CCZ1B: variants seen among roughly 807,000 people sequenced by gnomAD.
The protein encoded by CCZ1B is vacuolar fusion protein CCZ1 homolog B.
CCZ1B carries 25 observed loss-of-function variants against 58.8 expected under a neutral mutation model. That is an observed-to-expected ratio of 0.43 (90% CI 0.31 to 0.59). The LOEUF (loss-of-function observed/expected upper bound fraction) is 0.59. Ranked by LOEUF, CCZ1B falls within the 20% of genes least tolerant of loss-of-function variation. The probability of loss-of-function intolerance (pLI) is 0.12; values close to 1 mark genes in which losing one functional copy is unlikely to be tolerated. For missense variants in CCZ1B, 180 were observed against 501.5 expected (o/e 0.36, Z 6.12); for synonymous variants, 66 against 173.2 (o/e 0.38, Z 4.86).
chr7:6,816,149 G>A (rs2115120850), intron 7 of CCZ1B, among the ~76,000 whole-genome samples: 1 of 147,930 alleles, frequency 6.8e-6, no homozygotes, highest in African/African-American at 2.6e-5. Flanking sequence ...AGACAATGAG[G>A]CTGGATCTGG....
chr7:6,821,183 G>T (rs1235729767), intron 6 of CCZ1B, among the ~76,000 whole-genome samples: 5 of 149,370 alleles, frequency 3.3e-5, no homozygotes, highest in Non-Finnish European at 7.4e-5. Flanking sequence ...TAGTTTTTTG[G>T]TATTTTTTAG....
chr7:6,808,227 G>C (rs192295650), intron 10 of CCZ1B, among the ~76,000 whole-genome samples: 1,771 of 126,534 alleles, frequency 0.014, 239 homozygotes, highest in African/African-American at 0.026. Context: ...TCTGGATCTC[G>C]AGGCTCAGGT....
At chr7:6,808,326 G>A (rs1782863610) in intron 10 of CCZ1B, among the ~76,000 whole-genome samples, 1 of 120,960 alleles carries the variant, frequency 8.3e-6, no homozygotes, top group Admixed American at 9.9e-5. Context: ...GACCCCAACG[G>A]GAGAGGACAG....
chr7:6,820,907 C>G (rs2952941), intron 6 of CCZ1B, among the ~76,000 whole-genome samples: 1 of 132,678 alleles, frequency 7.5e-6, no homozygotes, highest in African/African-American at 2.9e-5. Flanking sequence ...AAGAGTAAGA[C>G]TCTGTCTCAA....
In CCZ1B at chr7:6,818,603, G is replaced by A. The variant is rs1321707381; in HGVS notation, c.698+1163C>T. On this transcript the variant is annotated intron_variant, in intron 7 of 14. Transcript: ENST00000316731. ...AGAAAGAAAGACAGACAGAAAGAAAGAAAGAAAGAAAGACAAGAAAGAAAG... is the reference window on the plus strand; with the variant it reads ...AGAAAGAAAGACAGACAGAAAGAAAAAAAGAAAGAAAGACAAGAAAGAAAG... Among the ~76,000 whole-genome samples the A allele has an allele frequency of 3.0e-5, 4 of 133,532 alleles. 1 individual carries two copies. Among genetic ancestry groups the A allele is most frequent in the South Asian group, 2.7e-4 (1 of 3,750 alleles). 87.6% of individuals were successfully genotyped at this position (133,532 alleles called of 152,430 possible).
rs1003641824 is a variant in CCZ1B, at chr7:6,821,954, C to G, written c.522+327G>C. Among the ~76,000 whole-genome samples the G allele has an allele frequency of 8.1e-5, 12 of 148,808 alleles. No individual in the cohort carries two copies. In the South Asian group the frequency reaches 1.1e-3, roughly 13 times the overall value. On this transcript the variant is annotated intron_variant, in intron 6 of 14. Transcript: ENST00000316731. ...AATTAAGTTTTCCTTATCAACTAAT[C>G]TATCACACAAAAGATGGCTGCTGAG... is the stretch of plus-strand genomic sequence containing the variant.
Position 6,823,315 on chromosome 7 carries a change from T to C in CCZ1B, c.436A>G (p.Lys146Glu), listed in dbSNP as rs372494895. 3.1e-6 allele frequency: 5 copies of C among 1,606,850 alleles called. No homozygotes were observed. The highest frequency in any genetic ancestry group is 3.4e-6 in the Non-Finnish European group (4 of 1,177,162). The change falls in exon 5 of 15, where the codon AAG becomes GAG. Residue 146 changes from lysine (K) to glutamate (E), a missense_variant and splice_region_variant. Physicochemically the swap from Lys to Glu is moderately conservative, Grantham distance 56 (BLOSUM62 1). Transcript: ENST00000316731. Reference sequence around the variant, plus strand: ...TTGAGAAAGAACGCCACGCTTACCTTGTACATGCTGTAGCACTGCCGCAGC... The same window carrying C: ...TTGAGAAAGAACGCCACGCTTACCTCGTACATGCTGTAGCACTGCCGCAGC... ...SVLRQCYSMY[K>E]LFNGTFLKAM...
intron 7 of CCZ1B, among the ~76,000 whole-genome samples, chr7:6,817,427 C>T (rs1783023410): frequency 6.6e-6 from 1 of 150,398 alleles, no homozygotes; most frequent in Non-Finnish European, 1.5e-5. Flanking sequence ...CTCAGCTACC[C>T]TTCTCTTTTT....
At chr7:6,825,755 C>T (rs1434291155) in intron 1 of CCZ1B, among the ~76,000 whole-genome samples, 1 of 124,270 alleles carries the variant, frequency 8.0e-6, no homozygotes, top group African/African-American at 3.2e-5. Context: ...CGTCTGCCAC[C>T]CTGGTTCCAC....
At chr7:6,821,677 C>T (rs1196942470) in intron 6 of CCZ1B, among the ~76,000 whole-genome samples, 1 of 151,608 alleles carries the variant, frequency 6.6e-6, no homozygotes, top group Non-Finnish European at 1.5e-5. Flanking sequence ...CGCTTGAAAC[C>T]AGCCTGGGCA....
At chr7:6,825,240 G>GC (rs1554259742) in intron 1 of CCZ1B, among the ~76,000 whole-genome samples, 1 of 140,498 alleles carries the variant, frequency 7.1e-6, no homozygotes, top group East Asian at 2.0e-4. Flanking sequence ...CTGACAAGTT[G>GC]TTTTTTTTTT....
chr7:6,808,176 T>C lies in CCZ1B; in HGVS notation c.955-2139A>G, dbSNP rs1261754955. Among the ~76,000 whole-genome samples, 468 of 126,188 alleles carry C rather than the reference T, an allele frequency of 3.7e-3. 4 individuals carry two copies. The highest frequency in any genetic ancestry group is 0.012 in the African/African-American group (449 of 37,012). 82.8% of individuals were successfully genotyped at this position (126,188 alleles called of 152,430 possible). ...GGGCTGGAGACTAAGGCTGGCCATG[T>C]GGGGCCAGCTGTGTCTCTGTGGCCA... On this transcript the variant is annotated intron_variant, in intron 10 of 14. Transcript: ENST00000316731.
chr7:6,799,118 G>A lies in CCZ1B; in HGVS notation c.*106C>T. 2 of 681,044 alleles carry A rather than the reference G, an allele frequency of 2.9e-6. 1 individual carries two copies. 42.2% of individuals were successfully genotyped at this position (681,044 alleles called of 1,614,324 possible). A position where few individuals can be genotyped will look rare whatever the true frequency, so the allele number is the denominator to read the frequency against. On this transcript the variant is annotated 3_prime_UTR_variant, in exon 15 of 15. Transcript: ENST00000316731. The stretch of plus-strand genomic sequence containing the variant: ...AATCTGATTCTTCAAAGCAAGTATT[G>A]CTTTACCCTTGTCCTGAATGCAGTC...
Position 6,824,644 on chromosome 7 carries a change from T to C in CCZ1B, c.214A>G (p.Thr72Ala). 1 of 1,612,402 alleles carries C rather than the reference T, an allele frequency of 6.2e-7. No individual in the cohort carries two copies. Among genetic ancestry groups the C allele is most frequent in the Non-Finnish European group, 8.5e-7 (1 of 1,179,680 alleles). The change falls in exon 2 of 15, where the codon ACA (threonine) becomes GCA (alanine). Residue 72 changes from threonine (T) to alanine (A), a missense_variant. By Grantham distance (58) the Thr-to-Ala change is moderately conservative. Coordinates refer to ENST00000316731, the MANE Select transcript of CCZ1B (RefSeq NM_198097.5). ...AGGCACACTTAGAGGTATTACCTTGTAAACTGTACAATAGCTTCACACAAT... is the reference window on the plus strand; with the variant it reads ...AGGCACACTTAGAGGTATTACCTTGCAAACTGTACAATAGCTTCACACAAT... Reference protein sequence around the residue: ...VGLCEAIVQFTRTFSPSKPAK... With the variant: ...VGLCEAIVQFARTFSPSKPAK...
chr7:6,821,896 C>T (rs1288357835), intron 6 of CCZ1B, among the ~76,000 whole-genome samples: 1 of 149,814 alleles, frequency 6.7e-6, no homozygotes, highest in African/African-American at 2.5e-5. Flanking sequence ...GTTTAGTGAA[C>T]AGAACCAATC....
intron 6 of CCZ1B, among the ~76,000 whole-genome samples, chr7:6,820,658 G>A (rs1280052804): frequency 6.7e-6 from 1 of 148,550 alleles, no homozygotes; most frequent in South Asian, 2.1e-4. Flanking sequence ...ACAGCGGCTC[G>A]CGCCTGTAAT....
At chr7:6,818,464 G>A (rs1206680336) in intron 7 of CCZ1B, among the ~76,000 whole-genome samples, 3 of 149,270 alleles carry the variant, frequency 2.0e-5, no homozygotes, top group Non-Finnish European at 3.0e-5. Flanking sequence ...CAGGAGAATC[G>A]CTTGAACCCA....
intron 7 of CCZ1B, among the ~76,000 whole-genome samples, chr7:6,816,396 G>A (rs1418226724): frequency 6.7e-6 from 1 of 148,456 alleles, no homozygotes; most frequent in East Asian, 1.9e-4. Flanking sequence ...CATGAGAATC[G>A]CTTGAACCTG....
At chr7:6,817,830 T>C (rs918232308) in intron 7 of CCZ1B, among the ~76,000 whole-genome samples, 2 of 149,266 alleles carry the variant, frequency 1.3e-5, no homozygotes, top group East Asian at 3.9e-4. Flanking sequence ...CTGGCCAACA[T>C]GGTAAAACCC....
Sources: gnomAD v4.1 joint callset for allele counts (sites outside exome capture counted in the v4.1 genomes callset) on GRCh38, gnomAD v4.1.1 for gene constraint, MANE v1.5 for transcripts, NCBI Gene and HGNC (gene_info 2026-07-23, HGNC 2026-07-21) for gene names.